DGKB: variants seen among roughly 807,000 people sequenced by gnomAD.
DGKB encodes 90 kDa diacylglycerol kinase.
DGKB carries 67 observed loss-of-function variants against 114.3 expected under a neutral mutation model. The observed-to-expected ratio is 0.59, with a 90% CI of 0.48 to 0.72. The LOEUF (loss-of-function observed/expected upper bound fraction) is 0.72. Among genes scored for constraint, DGKB ranks in the 30% least tolerant of loss-of-function variants. The pLI is 0.00. For synonymous variants in DGKB, 398 were observed against 323.1 expected, an observed-to-expected ratio of 1.23 and a Z score of -2.49; for missense variants, 907 against 975.2, an observed-to-expected ratio of 0.93 and a Z score of 0.93.
intron 23 of DGKB, among the ~76,000 whole-genome samples, chr7:14,239,040 T>C (rs1793250738): frequency 6.6e-6 from 1 of 152,042 alleles, no homozygotes; most frequent in Admixed American, 6.6e-5. Context: ...TGCCTAACTT[T>C]GTAACTGCTT....
intron 23 of DGKB, among the ~76,000 whole-genome samples, chr7:14,306,355 G>A (rs1253517190): frequency 1.3e-5 from 2 of 152,112 alleles, no homozygotes; most frequent in Non-Finnish European, 2.9e-5. Flanking sequence ...TAAGTTAGGA[G>A]AGGGATACAT....
chr7:14,186,112 C>G (rs569715790), intron 23 of DGKB, among the ~76,000 whole-genome samples: 8 of 152,296 alleles, frequency 5.3e-5, no homozygotes, highest in Admixed American at 4.6e-4. Context: ...TCTTCACAAT[C>G]CATACATCTG....
intron 2 of DGKB, among the ~76,000 whole-genome samples, chr7:14,789,624 C>T (rs181177476): frequency 7.8e-4 from 118 of 152,166 alleles, no homozygotes; most frequent in African/African-American, 2.7e-3. Flanking sequence ...ACACAATCTT[C>T]GCTCACTGAA....
intron 23 of DGKB, among the ~76,000 whole-genome samples, chr7:14,294,902 T>C (rs1014486906): frequency 1.3e-5 from 2 of 152,166 alleles, no homozygotes; most frequent in South Asian, 2.1e-4. Flanking sequence ...AGAGTCTTGT[T>C]GGAGTTCAAA....
chr7:14,183,224 T>C (rs377624134), intron 23 of DGKB, among the ~76,000 whole-genome samples: 3 of 152,312 alleles, frequency 2.0e-5, no homozygotes, highest in East Asian at 1.9e-4. Context: ...AAGGAACATA[T>C]GAAATCCATT....
intron 23 of DGKB, among the ~76,000 whole-genome samples, chr7:14,254,213 C>T (rs908905664): frequency 6.6e-6 from 1 of 152,184 alleles, no homozygotes; most frequent in Non-Finnish European, 1.5e-5. Context: ...TTGTACCTGC[C>T]TTATACTCTC....
chr7:14,768,136 A>G (rs908130795), intron 2 of DGKB, among the ~76,000 whole-genome samples: 1 of 151,980 alleles, frequency 6.6e-6, no homozygotes, highest in Non-Finnish European at 1.5e-5. Flanking sequence ...TAAAGAACAT[A>G]AAACTCCAAA....
intron 23 of DGKB, among the ~76,000 whole-genome samples, chr7:14,325,541 G>A (rs1808568210): frequency 1.3e-5 from 2 of 152,052 alleles, no homozygotes; most frequent in African/African-American, 4.8e-5. Flanking sequence ...CTTTCGTTGG[G>A]ATAAATATTC....
Position 14,818,158 on chromosome 7 carries a change from C to T in DGKB, c.70+23036G>A, listed in dbSNP as rs748096669. ...TAAGAGCCTTATACCTGTATATGCT[C>T]ACTGAAGGGGTCCCCTTAACAACTA... On this transcript the variant is annotated intron_variant, in intron 2 of 25. Coordinates refer to ENST00000402815, the MANE Select transcript of DGKB (RefSeq NM_001350709.2). Among the ~76,000 whole-genome samples the T allele has an allele frequency of 1.3e-3, 194 of 152,148 alleles. 1 individual carries two copies. Among genetic ancestry groups the T allele is most frequent in the Non-Finnish European group, 1.9e-3 (130 of 68,024 alleles).
chr7:14,309,305 T>A (rs904827760), intron 23 of DGKB, among the ~76,000 whole-genome samples: 1 of 152,202 alleles, frequency 6.6e-6, no homozygotes, highest in African/African-American at 2.4e-5. Context: ...TAGCACATAG[T>A]AGATCTCCAA....
At chr7:14,879,323 C>T (rs931474901) in intron 1 of DGKB, among the ~76,000 whole-genome samples, 1 of 149,558 alleles carries the variant, frequency 6.7e-6, no homozygotes, top group East Asian at 1.9e-4. Context: ...AACTTCCATG[C>T]TTTGCATTCA....
chr7:14,843,209 T>A (rs1410091025), intron 1 of DGKB, among the ~76,000 whole-genome samples: 1 of 148,902 alleles, frequency 6.7e-6, no homozygotes, highest in African/African-American at 2.5e-5. Flanking sequence ...AGAGCAAGAT[T>A]CTGTCTTAAA....
At chr7:14,852,486 T>TCAAAAAAAAAAAAAAAAA (rs948693044) in intron 1 of DGKB, among the ~76,000 whole-genome samples, 964 of 7,704 alleles carry the variant, frequency 0.13, 53 homozygotes, top group African/African-American at 0.3. Context: ...ATAGTGAAAG[T>TCAAAAAAAAAAAAAAAAA]CAAAAAAAAA....
chr7:14,663,814 C>G (rs1817575258), intron 13 of DGKB, among the ~76,000 whole-genome samples: 1 of 149,448 alleles, frequency 6.7e-6, no homozygotes, highest in Non-Finnish European at 1.5e-5. Flanking sequence ...AACCAGTGTG[C>G]AAAAAAAAAC....
chr7:14,253,500 T>C (rs1254339941), intron 23 of DGKB, among the ~76,000 whole-genome samples: 2 of 152,220 alleles, frequency 1.3e-5, no homozygotes, highest in Non-Finnish European at 2.9e-5. Flanking sequence ...TTAAGGGCCC[T>C]ATTGCCTAAT....
chr7:14,803,926 T>G (rs1221839933), intron 2 of DGKB, among the ~76,000 whole-genome samples: 1 of 152,118 alleles, frequency 6.6e-6, no homozygotes, highest in Non-Finnish European at 1.5e-5. Flanking sequence ...AAAATGAACA[T>G]CTCCCTTAGT....
intron 12 of DGKB, among the ~76,000 whole-genome samples, chr7:14,680,699 G>A (rs118035885): frequency 2.6e-5 from 4 of 152,026 alleles, no homozygotes; most frequent in African/African-American, 9.7e-5. Context: ...TTTGAGGACA[G>A]TGGTTCTCAT....
chr7:14,628,926 CT>C (rs566808841), intron 14 of DGKB, among the ~76,000 whole-genome samples: 87 of 151,956 alleles, frequency 5.7e-4, no homozygotes, highest in African/African-American at 2.0e-3. Context: ...AAAATAAAGA[CT>C]TTTTTCCTGA....
At chr7:14,502,795 T>A (rs557239325) in intron 20 of DGKB, among the ~76,000 whole-genome samples, 1 of 152,238 alleles carries the variant, frequency 6.6e-6, no homozygotes, top group East Asian at 1.9e-4. Context: ...GCAAAAGCAC[T>A]CTTGCTGTAT....
Sources: allele counts gnomAD v4.1 joint callset (sites outside exome capture counted in the v4.1 genomes callset), GRCh38; gene constraint gnomAD v4.1.1; transcripts MANE v1.5; gene names NCBI Gene and HGNC (gene_info 2026-07-23, HGNC 2026-07-21).